Variants in TFAP2E observed in about 807,000 individuals in gnomAD.
TFAP2E encodes transcription factor AP-2-epsilon.
A neutral mutation model predicts 37.9 loss-of-function variants in TFAP2E; 30 were observed. The observed-to-expected ratio is 0.79, with a 90% CI of 0.59 to 1.07. The LOEUF (loss-of-function observed/expected upper bound fraction) is 1.07. TFAP2E is among the 50% of genes least tolerant of loss of function. TFAP2E has a pLI of 0.00. For missense variants in TFAP2E, 567 were observed against 637.9 expected (o/e 0.89, Z 1.20); for synonymous variants, 318 against 295.8 (o/e 1.08, Z -0.77).
chr1:35,573,675 C>T lies in TFAP2E; in HGVS notation c.27+71C>T. On this transcript the variant is annotated intron_variant, in intron 1 of 6. Transcript: ENST00000373235. The surrounding 1 kb of genome is among the most constrained non-coding windows in gnomAD (Gnocchi z 5.9). ...CGCCTGAGTGCTGGACTTTCCAACC[C>T]TCCTGTCCCGCGCTAACGAAATCTC... is the stretch of plus-strand genomic sequence containing the variant. 6.6e-7 allele frequency: 1 copy of T among 1,516,540 alleles called. No homozygotes were observed. The highest frequency in any genetic ancestry group is 8.8e-7 in the Non-Finnish European group (1 of 1,131,782). The allele number at this position is 1,516,540 out of a possible 1,614,324, so 93.9% of individuals were successfully genotyped here.
At chr1:35,589,907 T>C (rs1277976817) in intron 4 of TFAP2E, 23 bp from the exon 5 acceptor site, 1 of 1,611,606 alleles carries the variant, frequency 6.2e-7, no homozygotes, top group East Asian at 2.2e-5. Flanking sequence ...GTTGTATGTC[T>C]GTCTGTCTCT....
intron 3 of TFAP2E, among the ~76,000 whole-genome samples, chr1:35,586,699 A>G (rs1483962789): frequency 2.0e-5 from 3 of 151,872 alleles, no homozygotes; most frequent in Non-Finnish European, 2.9e-5. Context: ...GATGGATGGG[A>G]TGTGCTGGGG....
intron 3 of TFAP2E, among the ~76,000 whole-genome samples, chr1:35,583,292 C>CTGTTGT (rs550749663): frequency 6.6e-6 from 1 of 151,922 alleles, no homozygotes; most frequent in Non-Finnish European, 1.5e-5. Flanking sequence ...CCTAAGTTTT[C>CTGTTGT]TGTTGTTGTT....
rs1241797615 is a variant in TFAP2E, at chr1:35,573,424, C to A, written c.-154C>A. 4 of 1,020,946 alleles carry A rather than the reference C, an allele frequency of 3.9e-6. No individual in the cohort carries two copies. Among genetic ancestry groups the A allele is most frequent in the Non-Finnish European group, 5.3e-6 (4 of 755,340 alleles). The allele number at this position is 1,020,946 out of a possible 1,614,324, so 63.2% of individuals were successfully genotyped here. On this transcript the variant is annotated 5_prime_UTR_variant, in exon 1 of 7. Transcript: ENST00000373235. This position sits in a 1 kb window ranked among gnomAD's most constrained non-coding sequence, Gnocchi z 5.9. The stretch of plus-strand genomic sequence containing the variant: ...GCCCGGGAACGGCCACCGCTGAGGA[C>A]CCCACGCCCACTAGGATCCCGGCTG...
rs370956663 is a variant in TFAP2E at position 35,573,646 on chromosome 1, G to C, written c.27+42G>C. The C allele has an allele frequency of 5.9e-6, 9 of 1,536,066 alleles. No homozygotes were observed. Among genetic ancestry groups the C allele is most frequent in the African/African-American group, 4.2e-5 (3 of 71,262 alleles). ...CCGGGACATATTCGGCCGGGGGATC[G>C]GGGCGCCTGAGTGCTGGACTTTCCA... On this transcript the variant is annotated intron_variant, in intron 1 of 6. Transcript: ENST00000373235. This position sits in a 1 kb window ranked among gnomAD's most constrained non-coding sequence, Gnocchi z 5.9.
Position 35,574,023 on chromosome 1 carries a change from C to G in TFAP2E, c.124C>G (p.Pro42Ala). ...GCCGGCGCCCCCGCTCTGCCACACG[C>G]CGGCCGCCACAGCTGCCGCCGAATT... is the stretch of plus-strand genomic sequence containing the variant. The part of the protein sequence containing the change: ...YGPAPPLCHT[P>A]AATAAAEFQP... Residue 42 changes from proline (P) to alanine (A), a missense_variant, in exon 2 of 7, where the codon CCG becomes GCG. By Grantham distance (27) the Pro-to-Ala change is conservative (BLOSUM62 -1). Coordinates refer to ENST00000373235, the MANE Select transcript of TFAP2E (RefSeq NM_178548.4). The G allele has an allele frequency of 6.7e-7, 1 of 1,486,270 alleles. No homozygotes were observed. The highest frequency in any genetic ancestry group is 8.9e-7 in the Non-Finnish European group (1 of 1,124,496). The allele number at this position is 1,486,270 out of a possible 1,614,324, so 92.1% of individuals were successfully genotyped here.
Position 35,590,163 on chromosome 1 carries a change from G to T in TFAP2E, c.904+115G>T, listed in dbSNP as rs913519185. The stretch of plus-strand genomic sequence containing the variant: ...TAGTGGTGTGTGTGTATCCGTGTAA[G>T]TGTTGCAGTATCTGTGTGCGTATTC... On this transcript the variant is annotated intron_variant, in intron 5 of 6. Transcript: ENST00000373235. The surrounding 1 kb of genome is among the most constrained non-coding windows in gnomAD (Gnocchi z 6.2). The T allele has an allele frequency of 7.4e-6, 7 of 951,762 alleles. No individual in the cohort carries two copies. Among genetic ancestry groups the T allele is most frequent in the Non-Finnish European group, 1.2e-5 (7 of 600,170 alleles). The allele number at this position is 951,762 out of a possible 1,614,324, so 59.0% of individuals were successfully genotyped here.
chr1:35,588,385 C>T lies in TFAP2E; in HGVS notation c.618C>T (p.Ser206=). The change falls in exon 4 of 7, where the codon AGC becomes AGT. Residue 206 remains serine, a synonymous_variant. Transcript: ENST00000373235. This position sits in a 1 kb window ranked among gnomAD's most constrained non-coding sequence, Gnocchi z 5.1. ...SLSALSLAKD[S]LVGGITNPGE... is the part of the protein sequence containing the mutation. ...CAGCCCTCTCCTTGGCCAAAGACAG[C>T]CTGGTGGGCGGCATCACAAATCCTG... 2.5e-6 allele frequency: 4 copies of T among 1,613,568 alleles called. No homozygotes were observed.
At chr1:35,589,760 T>C (rs1649598014) in intron 4 of TFAP2E, among the ~76,000 whole-genome samples, 170 bp from the exon 5 acceptor site, 1 of 152,064 alleles carries the variant, frequency 6.6e-6, no homozygotes, top group Admixed American at 6.5e-5. Context: ...TGCAAAACCA[T>C]GGAGATTAGT....
rs148134138 is a variant in TFAP2E at position 35,586,536 on chromosome 1, AG to A, written c.563-1791del. Among the ~76,000 whole-genome samples the A allele has an allele frequency of 5.3e-3, 802 of 152,278 alleles. 3 individuals carry two copies. Among genetic ancestry groups the A allele is most frequent in the African/African-American group, 0.018 (732 of 41,572 alleles). On this transcript the variant is annotated intron_variant, in intron 3 of 6. Coordinates refer to ENST00000373235, the MANE Select transcript of TFAP2E (RefSeq NM_178548.4). ...GGTCTGTGGAGAAATTCACATGGGA[AG>A]GGAACCTGTGTCTGTGTGCATGCAG...
chr1:35,575,409 G>A (rs946843185), intron 3 of TFAP2E, among the ~76,000 whole-genome samples: 2 of 152,240 alleles, frequency 1.3e-5, no homozygotes, highest in Admixed American at 1.3e-4. Flanking sequence ...GGTGCCTGGC[G>A]GGCACTTTCT....
chr1:35,588,310 C>T lies in TFAP2E; in HGVS notation c.563-20C>T, dbSNP rs41312639. 7.1e-3 allele frequency: 11,267 copies of T among 1,591,802 alleles called. 278 individuals are homozygous for T. Among genetic ancestry groups the T allele is most frequent in the East Asian group, 0.052 (2,306 of 44,388 alleles). ...CTGTGTGCGGCAGCCACTGGCTCAG[C>T]GTTTCCCTCTTCTCCACAGTGCCCA... On this transcript the variant is annotated intron_variant, in intron 3 of 6. Coordinates refer to ENST00000373235, the MANE Select transcript of TFAP2E (RefSeq NM_178548.4). This position sits in a 1 kb window ranked among gnomAD's most constrained non-coding sequence, Gnocchi z 5.1.
At chr1:35,574,584 G>T in intron 2 of TFAP2E, 175 bp downstream of exon 2, 1 of 1,165,822 alleles carries the variant, frequency 8.6e-7, no homozygotes, top group Non-Finnish European at 1.2e-6. Context: ...TGGCCATCAA[G>T]GCTGCCTGGC....
chr1:35,594,367 A>T, intron 6 of TFAP2E, 27 bp from the exon 7 acceptor site: 1 of 1,603,338 alleles, frequency 6.2e-7, no homozygotes. Context: ...TTTGTCCTCC[A>T]ACCTCTGACC....
At chr1:35,574,857 G>T in intron 2 of TFAP2E, 92 bp from the exon 3 acceptor site, 2 of 1,576,160 alleles carry the variant, frequency 1.3e-6, no homozygotes, top group South Asian at 2.2e-5. Context: ...GCCTTGGGCG[G>T]AGCAGACAGA....
downstream of TFAP2E, among the ~76,000 whole-genome samples, chr1:35,595,531 G>T (rs1450877893): frequency 6.6e-6 from 1 of 152,164 alleles, no homozygotes; most frequent in Non-Finnish European, 1.5e-5. Context: ...TTTTGCCCCT[G>T]CAGTTGATGT....
chr1:35,588,640 A>T lies in TFAP2E; in HGVS notation c.785+88A>T. 7.5e-7 allele frequency: 1 copy of T among 1,325,780 alleles called. No homozygotes were observed. The highest frequency in any genetic ancestry group is 1.0e-6 in the Non-Finnish European group (1 of 988,296). 82.1% of individuals were successfully genotyped at this position (1,325,780 alleles called of 1,614,324 possible). ...AGGCATCAGAGAGGAGGCCAGTCTC[A>T]CCTAGGCCCTCTGCCTCAGTCTCCC... On this transcript the variant is annotated intron_variant, in intron 4 of 6. Coordinates refer to ENST00000373235, the MANE Select transcript of TFAP2E (RefSeq NM_178548.4). This position sits in a 1 kb window ranked among gnomAD's most constrained non-coding sequence, Gnocchi z 5.1.
chr1:35,573,608 A>G lies in TFAP2E; in HGVS notation c.27+4A>G, dbSNP rs1162849340. The G allele has an allele frequency of 1.3e-6, 2 of 1,539,758 alleles. No individual in the cohort carries two copies. Among genetic ancestry groups the G allele is most frequent in the East Asian group, 5.0e-5 (2 of 39,716 alleles). On this transcript the variant is annotated splice_donor_region_variant and intron_variant, in intron 1 of 6. Transcript: ENST00000373235. This position sits in a 1 kb window ranked among gnomAD's most constrained non-coding sequence, Gnocchi z 5.9. ...GGTGCACACCTACTCCGCCATGGTGAGTAGTCTCGGGCCCGGGACATATTC... is the reference window on the plus strand; with the variant it reads ...GGTGCACACCTACTCCGCCATGGTGGGTAGTCTCGGGCCCGGGACATATTC...
chr1:35,589,504 G>A (rs975378200), intron 4 of TFAP2E, among the ~76,000 whole-genome samples: 10 of 152,004 alleles, frequency 6.6e-5, no homozygotes, highest in African/African-American at 2.4e-4. Context: ...GTGTGTGTGT[G>A]TGTGTGTGTG....
Sources: allele counts gnomAD v4.1 joint callset (sites outside exome capture counted in the v4.1 genomes callset), GRCh38; gene constraint gnomAD v4.1.1; non-coding constraint Gnocchi (gnomAD v3.1); transcripts MANE v1.5; gene names NCBI Gene and HGNC (gene_info 2026-07-23, HGNC 2026-07-21).